Variants in GAP43 observed in about 807,000 individuals in gnomAD.
GAP43 encodes the protein neuromodulin.
In GAP43, 6 loss-of-function variants were observed where a neutral mutation model predicts 18.6. The ratio of observed to expected loss-of-function variants is 0.32; its 90% CI spans 0.18 to 0.64. The LOEUF is 0.64. Among genes scored for constraint, GAP43 ranks in the 30% least tolerant of loss-of-function variants. The pLI is 0.78. For synonymous variants in GAP43, 115 were observed against 111.4 expected, an observed-to-expected ratio of 1.03 and a Z score of -0.20; for missense variants, 292 against 295.5, an observed-to-expected ratio of 0.99 and a Z score of 0.09.
chr3:115,629,903 A>G (rs1209043588), intron 1 of GAP43, among the ~76,000 whole-genome samples: 4 of 152,208 alleles, frequency 2.6e-5, no homozygotes, highest in African/African-American at 9.6e-5. Context: ...GGAACTGATC[A>G]TCAGTGATTC....
chr3:115,634,972 A>G (rs1837206), intron 1 of GAP43, among the ~76,000 whole-genome samples: 30,103 of 152,018 alleles, frequency 0.2, 3,402 homozygotes, highest in East Asian at 0.5. Flanking sequence ...AATCAATTTT[A>G]AAAAGTATTA....
chr3:115,669,123 G>A (rs905577529), intron 1 of GAP43, among the ~76,000 whole-genome samples: 19 of 151,328 alleles, frequency 1.3e-4, no homozygotes, highest in African/African-American at 4.4e-4. Context: ...TGACTCTAAC[G>A]AGTCAATAGA....
At chr3:115,689,280 C>G (rs568774510) in intron 2 of GAP43, among the ~76,000 whole-genome samples, 186 of 152,302 alleles carry the variant, frequency 1.2e-3, no homozygotes, top group Non-Finnish European at 2.2e-3. Flanking sequence ...CTGTGTCGTC[C>G]TCAGTTTCTC....
chr3:115,706,771 A>G (rs564217918), intron 2 of GAP43, among the ~76,000 whole-genome samples: 1 of 152,172 alleles, frequency 6.6e-6, no homozygotes, highest in Non-Finnish European at 1.5e-5. Flanking sequence ...AAACTTTACA[A>G]GTCAGAGACT....
chr3:115,646,554 C>G (rs560850887), intron 1 of GAP43, among the ~76,000 whole-genome samples: 2 of 151,730 alleles, frequency 1.3e-5, no homozygotes, highest in Non-Finnish European at 2.9e-5. Flanking sequence ...CAGAAGGGCT[C>G]TAATGAAAGA....
At chr3:115,626,561 T>G (rs546078476) in intron 1 of GAP43, among the ~76,000 whole-genome samples, 22 of 152,302 alleles carry the variant, frequency 1.4e-4, no homozygotes, top group African/African-American at 5.1e-4. Context: ...TATTGCCTTA[T>G]GATTTTCAAA....
At chr3:115,677,760 G>A (rs992845438) in intron 2 of GAP43, among the ~76,000 whole-genome samples, 3 of 152,146 alleles carry the variant, frequency 2.0e-5, no homozygotes, top group Non-Finnish European at 4.4e-5. Context: ...GTGCTCCTTG[G>A]GAGAAAACCT....
At chr3:115,674,880 ACT>A (rs1438512663) in intron 1 of GAP43, among the ~76,000 whole-genome samples, 1 of 152,060 alleles carries the variant, frequency 6.6e-6, no homozygotes, top group African/African-American at 2.4e-5. Context: ...CTTTGACTAT[ACT>A]CTTTGTCTTG....
chr3:115,652,356 CTTTTT>C (rs71141831), intron 1 of GAP43, among the ~76,000 whole-genome samples: 3 of 43,808 alleles, frequency 6.8e-5, no homozygotes, highest in East Asian at 9.1e-4. Context: ...ATCCAGCATT[CTTTTT>C]TTTTTTTTTT....
chr3:115,628,220 G>C (rs999888343), intron 1 of GAP43, among the ~76,000 whole-genome samples: 33 of 151,828 alleles, frequency 2.2e-4, no homozygotes, highest in Admixed American at 1.2e-3. Flanking sequence ...TTCTGCTTGT[G>C]CTCTTGCTCC....
In GAP43 at chr3:115,698,212, A is replaced by T. The variant is rs184695863; in HGVS notation, c.628+21602A>T. Among the ~76,000 whole-genome samples the T allele has an allele frequency of 1.1e-3, 19 of 16,580 alleles. 1 individual carries two copies. Among genetic ancestry groups the T allele is most frequent in the African/African-American group, 2.7e-3 (16 of 5,830 alleles). 10.9% of individuals were successfully genotyped at this position (16,580 alleles called of 152,430 possible). The stretch of plus-strand genomic sequence containing the variant: ...TTAAATATATATTATATATTATATA[A>T]AATATATAATATATAATATATATAA... On this transcript the variant is annotated intron_variant, in intron 2 of 2. Transcript: ENST00000305124.
chr3:115,692,080 A>G (rs1244932914), intron 2 of GAP43, among the ~76,000 whole-genome samples: 1 of 152,202 alleles, frequency 6.6e-6, no homozygotes, highest in Non-Finnish European at 1.5e-5. Flanking sequence ...CTGTGTGTGC[A>G]TACGGATGAT....
intron 1 of GAP43, among the ~76,000 whole-genome samples, chr3:115,624,419 A>G (rs917222116): frequency 6.6e-6 from 1 of 151,934 alleles, no homozygotes; most frequent in African/African-American, 2.4e-5. Flanking sequence ...TGGTCGGAGG[A>G]GAGGGTGGAC....
chr3:115,664,993 T>C (rs1383262908), intron 1 of GAP43, among the ~76,000 whole-genome samples: 3 of 152,176 alleles, frequency 2.0e-5, no homozygotes, highest in Non-Finnish European at 4.4e-5. Context: ...TTATTTTTTT[T>C]TAATTTCTCA....
intron 1 of GAP43, among the ~76,000 whole-genome samples, chr3:115,650,005 T>G (rs1380274742): frequency 6.6e-6 from 1 of 152,174 alleles, no homozygotes; most frequent in East Asian, 1.9e-4. Flanking sequence ...AAGTGTTCTA[T>G]GGATCACCTG....
At position 115,676,537 on chromosome 3, in the gene GAP43, G is replaced by A. The variant is rs758666604; in HGVS notation, c.555G>A (p.Glu185=). The A allele has an allele frequency of 2.9e-5, 47 of 1,613,400 alleles. No individual in the cohort carries two copies. In the South Asian group the frequency reaches 4.8e-4, roughly 17 times the overall value. ...TAAAATTPAA[E]DAAAKATAQP... is the part of the protein sequence containing the mutation. ...CTGCTGCCACCACCCCTGCCGCAGA[G>A]GATGCTGCTGCCAAGGCAACAGCCC... The change falls in exon 2 of 3, where the codon GAG becomes GAA. Residue 185 remains glutamate (E), a synonymous_variant. Transcript: ENST00000305124.
At chr3:115,682,670 G>A (rs1047935187) in intron 2 of GAP43, among the ~76,000 whole-genome samples, 1 of 152,114 alleles carries the variant, frequency 6.6e-6, no homozygotes, top group Non-Finnish European at 1.5e-5. Flanking sequence ...CCTAGTGGCT[G>A]GGATTACAGG....
chr3:115,661,155 G>A (rs1450750640), intron 1 of GAP43: 1 of 151,856 alleles, frequency 6.6e-6, no homozygotes, highest in Non-Finnish European at 1.5e-5. Flanking sequence ...TTCCACAAGT[G>A]TCCTCCCAGC....
At chr3:115,674,637 A>C (rs1048223287) in intron 1 of GAP43, among the ~76,000 whole-genome samples, 7 of 152,226 alleles carry the variant, frequency 4.6e-5, no homozygotes, top group Admixed American at 4.6e-4. Context: ...TGCTTTTTCA[A>C]AAGGAGAAAC....
Sources: gnomAD v4.1 joint callset for allele counts (sites outside exome capture counted in the v4.1 genomes callset) on GRCh38, gnomAD v4.1.1 for gene constraint, MANE v1.5 for transcripts, NCBI Gene and HGNC (gene_info 2026-07-23, HGNC 2026-07-21) for gene names.